The following PSD2 variants were observed in gnomAD, a reference collection of about 807,000 sequenced individuals.
PSD2 encodes PH and SEC7 domain-containing protein 2.
In PSD2, 38 loss-of-function variants were observed where a neutral mutation model predicts 69.8. The ratio of observed to expected loss-of-function variants is 0.54; its 90% CI spans 0.42 to 0.71. The LOEUF is 0.71. Among genes scored for constraint, PSD2 ranks in the 30% least tolerant of loss-of-function variants. The pLI, the probability that PSD2 is intolerant of heterozygous loss-of-function variation, is 0.00. For missense variants in PSD2, 943 were observed against 1,014.5 expected (o/e 0.93, Z 0.96); for synonymous variants, 412 against 423.0 (o/e 0.97, Z 0.32).
At chr5:139,744,862 C>T in the PSD2 span, 1 of 152,354 alleles carries the variant, frequency 6.6e-6, no homozygotes, top group African/African-American at 2.4e-5. Context: ...TGGACCCTGC[C>T]CCTGCTATTG....
At chr5:139,830,087 A>G (rs1760534986) in intron 7 of PSD2, among the ~76,000 whole-genome samples, 1 of 148,914 alleles carries the variant, frequency 6.7e-6, no homozygotes, top group Admixed American at 6.7e-5. Flanking sequence ...GTGGTATCTC[A>G]TTGTGGTTTG....
the PSD2 span, among the ~76,000 whole-genome samples, chr5:139,761,229 A>G: frequency 2.0e-5 from 3 of 152,204 alleles, no homozygotes; most frequent in South Asian, 2.1e-4. Context: ...ATGTGATGTC[A>G]GCCCATTTTA....
chr5:139,758,409 A>G, the PSD2 span, among the ~76,000 whole-genome samples: 1 of 151,968 alleles, frequency 6.6e-6, no homozygotes, highest in Non-Finnish European at 1.5e-5. Context: ...AGGTGGGGAG[A>G]AGGGCAGGGG....
At chr5:139,756,605 G>A in the PSD2 span, among the ~76,000 whole-genome samples, 1 of 152,182 alleles carries the variant, frequency 6.6e-6, no homozygotes, top group East Asian at 1.9e-4. Context: ...CTTGGGCACA[G>A]GCGAGGAGGC....
chr5:139,789,016 C>T, the PSD2 span, among the ~76,000 whole-genome samples: 21 of 152,216 alleles, frequency 1.4e-4, no homozygotes, highest in Admixed American at 1.4e-3. Flanking sequence ...ACGTTGTCCT[C>T]GTTTGCAGAC....
At chr5:139,771,485 T>C in the PSD2 span, among the ~76,000 whole-genome samples, 2 of 152,112 alleles carry the variant, frequency 1.3e-5, no homozygotes, top group Non-Finnish European at 2.9e-5. Context: ...TTCACGCCAT[T>C]CTCCTGCCTC....
the PSD2 span, among the ~76,000 whole-genome samples, chr5:139,767,378 G>C: frequency 1.8e-3 from 269 of 151,940 alleles, 7 homozygotes; most frequent in East Asian, 0.05. Flanking sequence ...GCAATGTCAC[G>C]ATCTCAGATC....
At chr5:139,757,758 G>A in the PSD2 span, among the ~76,000 whole-genome samples, 1 of 152,228 alleles carries the variant, frequency 6.6e-6, no homozygotes, top group South Asian at 2.1e-4. Flanking sequence ...GACACCAGCC[G>A]GCAAGGACTT....
the PSD2 span, among the ~76,000 whole-genome samples, chr5:139,761,824 A>G: frequency 6.6e-6 from 1 of 152,040 alleles, no homozygotes; most frequent in African/African-American, 2.4e-5. Flanking sequence ...TTTGGTCAGG[A>G]ACCCCTGGCT....
the PSD2 span, among the ~76,000 whole-genome samples, chr5:139,761,203 AC>A: frequency 1.3e-5 from 2 of 152,250 alleles, no homozygotes; most frequent in South Asian, 4.1e-4. Flanking sequence ...AGTCCTCATG[AC>A]CACTTGTGAG....
intron 1 of PSD2, among the ~76,000 whole-genome samples, chr5:139,801,371 G>A (rs78612330): frequency 7.2e-5 from 11 of 152,014 alleles, no homozygotes; most frequent in Admixed American, 3.9e-4. Context: ...TGTTCCTGTC[G>A]CTGCACCCAG....
At chr5:139,771,596 T>C in the PSD2 span, among the ~76,000 whole-genome samples, 1 of 152,156 alleles carries the variant, frequency 6.6e-6, no homozygotes, top group South Asian at 2.1e-4. Flanking sequence ...ACTAGGATGG[T>C]CTCGATTTCC....
the PSD2 span, among the ~76,000 whole-genome samples, chr5:139,756,294 G>A: frequency 8.5e-5 from 13 of 152,230 alleles, no homozygotes; most frequent in Non-Finnish European, 5.9e-5. Context: ...GTAATTCGAT[G>A]CCAATCAGGT....
chr5:139,820,246 T>C (rs962725730), intron 5 of PSD2, among the ~76,000 whole-genome samples: 1 of 150,734 alleles, frequency 6.6e-6, no homozygotes, highest in South Asian at 2.1e-4. Context: ...GGAGTAGGAG[T>C]TGGGATGGAT....
Position 139,837,368 on chromosome 5 carries a change from T to C in PSD2, c.1665+130T>C. 1 of 972,954 alleles carries C rather than the reference T, an allele frequency of 1.0e-6. No individual in the cohort carries two copies. Among genetic ancestry groups the C allele is most frequent in the East Asian group, 2.5e-5 (1 of 39,604 alleles). 60.3% of individuals were successfully genotyped at this position (972,954 alleles called of 1,614,324 possible). On this transcript the variant is annotated intron_variant, in intron 11 of 14. Coordinates refer to ENST00000274710, the MANE Select transcript of PSD2 (RefSeq NM_032289.4). This position sits in a 1 kb window ranked among gnomAD's most constrained non-coding sequence, Gnocchi z 5.0. ...CACATGCTGGGTCCTTCCCCAGACT[T>C]GGGCCCTCTCAGGGCTTTGGAGGTT...
intron 2 of PSD2, among the ~76,000 whole-genome samples, chr5:139,812,465 C>T (rs1759995110): frequency 6.6e-6 from 1 of 152,202 alleles, no homozygotes; most frequent in Admixed American, 6.5e-5. Flanking sequence ...TGTTCATTCA[C>T]CCAGCACATC....
chr5:139,835,870 C>CT, intron 9 of PSD2, 104 bp downstream of exon 9: 1 of 1,110,550 alleles, frequency 9.0e-7, no homozygotes, highest in Non-Finnish European at 1.4e-6. Flanking sequence ...GGTGCTGATC[C>CT]CTCCCAATCC....
rs1290158220 is a variant in PSD2 at position 139,840,092 on chromosome 5, G to A, written c.2034G>A (p.Arg678=). Residue 678 remains arginine (R), a synonymous_variant, in exon 14 of 15, where the codon AGG becomes AGA. Coordinates refer to ENST00000274710, the MANE Select transcript of PSD2 (RefSeq NM_032289.4). The part of the protein sequence containing the change: ...RQLTAELAEH[R]CHPVERGIKS... ...TGACTGCGGAGCTGGCCGAACACAG[G>A]TGTCACCCAGTCGAGAGGGGCATCA... 5.0e-6 allele frequency: 8 copies of A among 1,614,116 alleles called. No homozygotes were observed. The East Asian group carries it at 6.7e-5, about 13-fold the overall frequency.
chr5:139,783,943 C>CTTTTTTTT, the PSD2 span, among the ~76,000 whole-genome samples: 139 of 87,870 alleles, frequency 1.6e-3, 14 homozygotes, highest in Middle Eastern at 7.1e-3. Context: ...TCTGCTAGCT[C>CTTTTTTTT]TTTTTTTTTT....
Sources: allele counts gnomAD v4.1 joint callset (sites outside exome capture counted in the v4.1 genomes callset), GRCh38; gene constraint gnomAD v4.1.1; non-coding constraint Gnocchi (gnomAD v3.1); transcripts MANE v1.5; gene names NCBI Gene and HGNC (gene_info 2026-07-23, HGNC 2026-07-21).